Variants in ITIH5 observed in about 807,000 individuals in gnomAD.
The protein encoded by ITIH5 is inter-alpha-trypsin inhibitor heavy chain H5.
ITIH5 carries 65 observed loss-of-function variants against 77.5 expected under a neutral mutation model. The ratio of observed to expected loss-of-function variants is 0.84; its 90% CI spans 0.69 to 1.03. The LOEUF (loss-of-function observed/expected upper bound fraction) is 1.03. Among genes scored for constraint, ITIH5 ranks in the 50% least tolerant of loss-of-function variants. ITIH5 has a pLI of 0.00. For missense variants in ITIH5, 1,208 were observed against 1,213.1 expected, an observed-to-expected ratio of 1.00 and a Z score of 0.06; for synonymous variants, 525 against 494.3, an observed-to-expected ratio of 1.06 and a Z score of -0.82.
At chr10:7,604,039 G>A (rs957662884) in intron 7 of ITIH5, among the ~76,000 whole-genome samples, 1 of 152,190 alleles carries the variant, frequency 6.6e-6, no homozygotes, top group African/African-American at 2.4e-5. Flanking sequence ...CGGCCCTGCA[G>A]GAGCTTCCCA....
At position 7,586,164 on chromosome 10, in the gene ITIH5, T is replaced by G. The variant is rs372899369; in HGVS notation, c.940-95A>C. 2.2e-5 allele frequency: 26 copies of G among 1,157,996 alleles called. No individual in the cohort carries two copies. The African/African-American group carries it at 2.9e-4, about 13-fold the overall frequency. 71.7% of individuals were successfully genotyped at this position (1,157,996 alleles called of 1,614,324 possible). A position where few individuals can be genotyped will look rare whatever the true frequency, so the allele number is the denominator to read the frequency against. ...CCGCCCCCGCCCCCCAGGAAAAATG[T>G]CAGGGTTCAAATTCAGTGTCAGCTA... On this transcript the variant is annotated intron_variant, in intron 7 of 13. Transcript: ENST00000397146.
chr10:7,606,568 C>T (rs1341133561), intron 7 of ITIH5, among the ~76,000 whole-genome samples: 1 of 152,184 alleles, frequency 6.6e-6, no homozygotes, highest in Non-Finnish European at 1.5e-5. Flanking sequence ...CACATGGACA[C>T]GAAGAAGTGA....
intron 7 of ITIH5, among the ~76,000 whole-genome samples, chr10:7,609,755 C>T (rs1262924041): frequency 1.3e-5 from 2 of 152,166 alleles, no homozygotes; most frequent in Non-Finnish European, 2.9e-5. Flanking sequence ...AGTGTGGGAA[C>T]AGGTTTGAAG....
chr10:7,642,139 TTGG>T, intron 2 of ITIH5, 49 bp from the exon 3 acceptor site: 1 of 1,462,010 alleles, frequency 6.8e-7, no homozygotes, highest in Non-Finnish European at 9.4e-7. Flanking sequence ...TGAAAGCATT[TTGG>T]TGGTAGTGGA....
intron 9 of ITIH5, among the ~76,000 whole-genome samples, chr10:7,578,982 GT>G (rs1832480386): frequency 6.6e-6 from 1 of 152,134 alleles, no homozygotes; most frequent in Non-Finnish European, 1.5e-5. Context: ...CTTTTAACTA[GT>G]ACTCAAAATG....
At chr10:7,587,085 C>A (rs903634486) in intron 7 of ITIH5, among the ~76,000 whole-genome samples, 1 of 152,076 alleles carries the variant, frequency 6.6e-6, no homozygotes, top group African/African-American at 2.4e-5. Context: ...CTGCCTCAGC[C>A]TCCCAAAGTG....
Position 7,580,022 on chromosome 10 carries a change from A to G in ITIH5, c.1151T>C (p.Leu384Pro). 1 of 1,612,812 alleles carries G rather than the reference A, an allele frequency of 6.2e-7. No individual in the cohort carries two copies. The highest frequency in any genetic ancestry group is 2.2e-5 in the East Asian group (1 of 44,856). The change falls in exon 9 of 14, where the codon CTC becomes CCC. Residue 384 changes from leucine to proline, a missense_variant. Transcript: ENST00000397146. ...GCCACTGTGGGCCACGTACTTGTTG[A>G]GGAGCCTGATGGCCCTCTGCAGGGC... is the stretch of plus-strand genomic sequence containing the variant. The part of the protein sequence containing the change: ...NGALQRAIRL[L>P]NKYVAHSGIG...
chr10:7,570,389 G>C (rs150853734), intron 11 of ITIH5: 2 of 152,286 alleles, frequency 1.3e-5, no homozygotes, highest in Non-Finnish European at 2.9e-5. Context: ...GGGTGCTGGC[G>C]GAAACCCCTC....
rs772430139 is a variant in ITIH5, at chr10:7,576,728, C to T, written c.1703G>A (p.Gly568Glu). The T allele has an allele frequency of 1.1e-5, 17 of 1,613,748 alleles. No homozygotes were observed. The highest frequency in any genetic ancestry group is 1.4e-5 in the Non-Finnish European group (17 of 1,179,964). ...GAGACGCTCGATGTGGTTGGTGTCC[C>T]CCTCTCCATCGCCTCCAGGCCTGGG... ...GSPRPGGDGE[G>E]DTNHIERLWS... The change falls in exon 10 of 14, where the codon GGG becomes GAG. Residue 568 changes from glycine (G) to glutamate (E), a missense_variant. Coordinates refer to ENST00000397146, the MANE Select transcript of ITIH5 (RefSeq NM_030569.7).
intron 12 of ITIH5, 76 bp from the exon 13 acceptor site, chr10:7,566,483 C>A (rs539861426): frequency 7.6e-6 from 11 of 1,441,614 alleles, no homozygotes; most frequent in Non-Finnish European, 9.4e-6. Flanking sequence ...AATCCCAGCA[C>A]TTAGAAGGCC....
In ITIH5 at chr10:7,576,593, C is replaced by T. The variant is rs148811531; in HGVS notation, c.1838G>A (p.Arg613His). 3,969 of 1,614,028 alleles carry T rather than the reference C, an allele frequency of 2.5e-3. 15 individuals are homozygous for T. The highest frequency in any genetic ancestry group is 6.9e-3 in the Middle Eastern group (42 of 6,062). ...QRAQALAVSY[R>H]FLTPFTSMKL... ...CATGGAGGTGAAGGGAGTGAGGAAG[C>T]GGTAGCTCACAGCCAGGGCCTGGGC... is the stretch of plus-strand genomic sequence containing the variant. The change falls in exon 10 of 14, where the codon CGC (arginine) becomes CAC (histidine). Residue 613 changes from arginine to histidine, a missense_variant. By Grantham distance (29) the Arg-to-His change is conservative. Coordinates refer to ENST00000397146, the MANE Select transcript of ITIH5 (RefSeq NM_030569.7).
intron 13 of ITIH5, among the ~76,000 whole-genome samples, chr10:7,565,644 GTATA>G (rs1005918429): frequency 2.7e-5 from 4 of 147,310 alleles, no homozygotes; most frequent in Admixed American, 1.4e-4. Context: ...TGTATAGACT[GTATA>G]TATATACACA....
chr10:7,597,812 T>A lies in ITIH5; in HGVS notation c.940-11743A>T, dbSNP rs550571758. ...TTACAAAAACTTATTCTATAAAAGGTAATATAAACTTATGTTACATTCTGC... is the reference window on the plus strand; with the variant it reads ...TTACAAAAACTTATTCTATAAAAGGAAATATAAACTTATGTTACATTCTGC... On this transcript the variant is annotated intron_variant, in intron 7 of 13. Transcript: ENST00000397146. 6.5e-4 allele frequency among the ~76,000 whole-genome samples: 99 copies of A among 152,302 alleles called. 5 individuals are homozygous for A. The South Asian group carries it at 0.014, about 21-fold the overall frequency.
intron 7 of ITIH5, among the ~76,000 whole-genome samples, chr10:7,588,246 T>C (rs931593582): frequency 1.3e-5 from 2 of 152,026 alleles, no homozygotes; most frequent in African/African-American, 4.8e-5. Flanking sequence ...TAGCCAGGCA[T>C]GGTGGTGCAC....
chr10:7,579,202 A>G (rs2130961680), intron 9 of ITIH5, among the ~76,000 whole-genome samples: 1 of 152,326 alleles, frequency 6.6e-6, no homozygotes, highest in Non-Finnish European at 1.5e-5. Flanking sequence ...CATTTTACAG[A>G]TGAGAAAACG....
At chr10:7,623,269 C>T (rs11255249) in intron 5 of ITIH5, among the ~76,000 whole-genome samples, 27,919 of 152,138 alleles carry the variant, frequency 0.18, 3,555 homozygotes, top group African/African-American at 0.36. Flanking sequence ...TCCCAACACA[C>T]GCTGCCTGCT....
At chr10:7,605,396 C>T (rs1486219698) in intron 7 of ITIH5, among the ~76,000 whole-genome samples, 2 of 151,916 alleles carry the variant, frequency 1.3e-5, no homozygotes, top group Non-Finnish European at 2.9e-5. Flanking sequence ...CACCCCATCA[C>T]GCAACTACTG....
chr10:7,639,439 T>C (rs1335650552), intron 4 of ITIH5, among the ~76,000 whole-genome samples: 1 of 152,246 alleles, frequency 6.6e-6, no homozygotes, highest in African/African-American at 2.4e-5. Context: ...TGGTTGCTTT[T>C]CTGTATCAAA....
chr10:7,629,526 G>A (rs545448510), intron 5 of ITIH5, among the ~76,000 whole-genome samples: 4 of 132,664 alleles, frequency 3.0e-5, no homozygotes, highest in African/African-American at 7.8e-5. Context: ...TGTCCGTGTT[G>A]CAGCGTGTGT....
Sources: allele counts gnomAD v4.1 joint callset (sites outside exome capture counted in the v4.1 genomes callset), GRCh38; gene constraint gnomAD v4.1.1; transcripts MANE v1.5; gene names NCBI Gene and HGNC (gene_info 2026-07-23, HGNC 2026-07-21).